Variants in FANK1 observed in about 807,000 individuals in gnomAD.
FANK1 encodes the protein fibronectin type III and ankyrin repeat domains 1, also known as fibronectin type 3 and ankyrin repeat domains protein 1.
FANK1 carries 44 observed loss-of-function variants against 45.3 expected under a neutral mutation model. That is an observed-to-expected ratio of 0.97 (90% confidence interval 0.76 to 1.25). FANK1 has a LOEUF of 1.25. FANK1 is among the 50% of genes most tolerant of loss of function. FANK1 has a pLI of 0.00. For missense variants in FANK1, 391 were observed against 424.4 expected, an observed-to-expected ratio of 0.92 and a Z score of 0.69; for synonymous variants, 149 against 152.5, an observed-to-expected ratio of 0.98 and a Z score of 0.17.
chr10:125,976,355 T>C (rs2134197079), intron 1 of FANK1, among the ~76,000 whole-genome samples: 1 of 152,336 alleles, frequency 6.6e-6, no homozygotes, highest in African/African-American at 2.4e-5. Context: ...TGACTGTAGG[T>C]CCCTCTAGTA....
intron 1 of FANK1, among the ~76,000 whole-genome samples, chr10:125,976,952 C>T (rs1305369743): frequency 1.4e-5 from 2 of 142,958 alleles, no homozygotes; most frequent in African/African-American, 5.2e-5. Context: ...TTATTTAGCT[C>T]TGTCAGACCC....
intron 1 of FANK1, among the ~76,000 whole-genome samples, chr10:125,923,631 C>T (rs1318713939): frequency 6.6e-6 from 1 of 151,888 alleles, no homozygotes; most frequent in Non-Finnish European, 1.5e-5. Flanking sequence ...AGGCTCAAGC[C>T]ACCCTCTTGC....
chr10:125,911,713 T>A (rs1946026837), intron 1 of FANK1, among the ~76,000 whole-genome samples: 1 of 152,326 alleles, frequency 6.6e-6, no homozygotes, highest in South Asian at 2.1e-4. Flanking sequence ...AACTTAGAAT[T>A]TTTACTGTTC....
chr10:125,954,862 A>C (rs1439752529), intron 1 of FANK1, among the ~76,000 whole-genome samples: 1 of 152,148 alleles, frequency 6.6e-6, no homozygotes, highest in Non-Finnish European at 1.5e-5. Context: ...CAGAGGTTGC[A>C]GCGAGCCAAG....
chr10:125,934,748 T>C (rs1488992675), intron 1 of FANK1, among the ~76,000 whole-genome samples: 1 of 137,992 alleles, frequency 7.2e-6, no homozygotes, highest in Non-Finnish European at 1.5e-5. Context: ...TTTTTTTTTT[T>C]TTTTTTTTTT....
At chr10:125,992,856 TC>T (rs1033299173) in intron 3 of FANK1, among the ~76,000 whole-genome samples, 1 of 150,990 alleles carries the variant, frequency 6.6e-6, no homozygotes, top group African/African-American at 2.5e-5. Flanking sequence ...TTTTTAGGCA[TC>T]CCCTTTCTTT....
At chr10:125,908,146 G>A (rs909370133) in intron 1 of FANK1, among the ~76,000 whole-genome samples, 15 of 152,056 alleles carry the variant, frequency 9.9e-5, no homozygotes, top group African/African-American at 2.2e-4. Context: ...ATAGGCATGC[G>A]CCACCACACG....
Position 126,008,461 on chromosome 10 carries a change from G to A in FANK1, c.760G>A (p.Val254Met), listed in dbSNP as rs774997171. 3 of 1,613,724 alleles carry A rather than the reference G, an allele frequency of 1.9e-6. No individual in the cohort carries two copies. The highest frequency in any genetic ancestry group is 2.2e-5 in the East Asian group (1 of 44,820). The change falls in exon 8 of 11, where the codon GTG becomes ATG. Residue 254 changes from valine to methionine, a missense_variant. Coordinates refer to ENST00000368693, the MANE Select transcript of FANK1 (RefSeq NM_145235.5). ...GWTPLMRVSA[V>M]SGNQRVASLL... ...GACCCCACTCATGAGAGTCTCTGCGGTGTCGGGAAATCAGAGGGTGGCCTC... is the reference window on the plus strand; with the variant it reads ...GACCCCACTCATGAGAGTCTCTGCGATGTCGGGAAATCAGAGGGTGGCCTC...
At chr10:125,902,235 C>T (rs1945098861) in intron 1 of FANK1, among the ~76,000 whole-genome samples, 1 of 152,056 alleles carries the variant, frequency 6.6e-6, no homozygotes, top group Non-Finnish European at 1.5e-5. Context: ...ACATTGTGCA[C>T]ATGTACCCTA....
chr10:125,967,204 C>T (rs1420878977), intron 1 of FANK1, among the ~76,000 whole-genome samples: 1 of 152,080 alleles, frequency 6.6e-6, no homozygotes, highest in African/African-American at 2.4e-5. Context: ...TGTAGTTAAA[C>T]ATAGGGCAGT....
At chr10:125,988,758 G>C in intron 3 of FANK1, 83 bp downstream of exon 3, 1 of 1,603,464 alleles carries the variant, frequency 6.2e-7, no homozygotes, top group Non-Finnish European at 8.5e-7. Context: ...TCTGCCTCTC[G>C]TTTGGCCTTA....
At chr10:125,925,129 T>C (rs1947256040) in intron 1 of FANK1, among the ~76,000 whole-genome samples, 1 of 152,144 alleles carries the variant, frequency 6.6e-6, no homozygotes, top group Admixed American at 6.5e-5. Flanking sequence ...TTTTCATAGT[T>C]TTAAATCTTC....
chr10:125,918,510 GCAC>G, intron 1 of FANK1, among the ~76,000 whole-genome samples: 1 of 119,794 alleles, frequency 8.3e-6, no homozygotes. Context: ...AGCTGAGATC[GCAC>G]CACTACTGCA....
intron 1 of FANK1, among the ~76,000 whole-genome samples, chr10:125,917,443 TTAAA>T (rs1342522653): frequency 1.3e-5 from 2 of 152,224 alleles, no homozygotes; most frequent in East Asian, 3.8e-4. Flanking sequence ...TAAAAGCCAA[TTAAA>T]TCTATAAATT....
chr10:125,939,897 AAAAT>A (rs772822742), intron 1 of FANK1, among the ~76,000 whole-genome samples: 3 of 152,050 alleles, frequency 2.0e-5, no homozygotes, highest in Non-Finnish European at 2.9e-5. Context: ...CAGGGTCAAT[AAAAT>A]AAATAATTTC....
intron 3 of FANK1, among the ~76,000 whole-genome samples, chr10:125,994,157 G>A (rs941067579): frequency 6.6e-6 from 1 of 150,980 alleles, no homozygotes; most frequent in African/African-American, 2.4e-5. Context: ...GTAGGGTGCA[G>A]TGGGGGAGGA....
In FANK1 at chr10:125,912,940, C is replaced by G. The variant is rs145625602; in HGVS notation, c.13+16285C>G. ...GTAAGCCATCGTGTCCAGCCTATTG[C>G]TTAGCTTTAATGTGAATCAGTGTTA... On this transcript the variant is annotated intron_variant, in intron 1 of 10. Coordinates refer to ENST00000368693, the MANE Select transcript of FANK1 (RefSeq NM_145235.5). Among the ~76,000 whole-genome samples, 1,307 of 152,272 alleles carry G rather than the reference C, an allele frequency of 8.6e-3. 18 individuals carry two copies. Among genetic ancestry groups the G allele is most frequent in the African/African-American group, 0.03 (1,237 of 41,548 alleles).
At chr10:125,906,515 CAAAAAAAAAAAAAAAAAAAA>C (rs34132526) in intron 1 of FANK1, among the ~76,000 whole-genome samples, 7 of 46,410 alleles carry the variant, frequency 1.5e-4, no homozygotes, top group African/African-American at 3.0e-4. Flanking sequence ...GACTCTGTCT[CAAAAAAAAAAAAAAAAAAAA>C]AAAAAAAAAT....
chr10:125,999,091 A>AT, intron 6 of FANK1, among the ~76,000 whole-genome samples: 1 of 152,198 alleles, frequency 6.6e-6, no homozygotes, highest in Admixed American at 6.5e-5. Flanking sequence ...GTATTAGGAA[A>AT]TTTTTTAACG....
Sources: gnomAD v4.1 joint callset for allele counts (sites outside exome capture counted in the v4.1 genomes callset) on GRCh38, gnomAD v4.1.1 for gene constraint, MANE v1.5 for transcripts, NCBI Gene and HGNC (gene_info 2026-07-23, HGNC 2026-07-21) for gene names.